Variants in KCNH8 observed in about 807,000 individuals in gnomAD.
KCNH8 encodes the protein potassium voltage-gated channel subfamily H member 8.
KCNH8 carries 70 observed loss-of-function variants against 103.6 expected under a neutral mutation model. The observed-to-expected ratio is 0.68, with a 90% CI of 0.56 to 0.82. The LOEUF (loss-of-function observed/expected upper bound fraction) is 0.82. Ranked by LOEUF, KCNH8 falls within the 40% of genes least tolerant of loss-of-function variation. KCNH8 has a pLI of 0.00. For synonymous variants in KCNH8, 498 were observed against 489.4 expected, an observed-to-expected ratio of 1.02 and a Z score of -0.23; for missense variants, 1,217 against 1,329.9, an observed-to-expected ratio of 0.92 and a Z score of 1.32.
intron 5 of KCNH8, among the ~76,000 whole-genome samples, chr3:19,378,065 G>T (rs1168860888): frequency 2.0e-5 from 3 of 152,102 alleles, no homozygotes; most frequent in African/African-American, 4.8e-5. Flanking sequence ...TGTTGGGGGC[G>T]GTTCTCTTAG....
chr3:19,394,414 G>A (rs1292257504), intron 6 of KCNH8, among the ~76,000 whole-genome samples: 4 of 152,004 alleles, frequency 2.6e-5, no homozygotes, highest in African/African-American at 9.7e-5. Flanking sequence ...AAGGCACTAG[G>A]AGACTCTTCA....
intron 1 of KCNH8, among the ~76,000 whole-genome samples, chr3:19,247,032 C>T (rs773958506): frequency 1.3e-5 from 2 of 152,146 alleles, no homozygotes; most frequent in Non-Finnish European, 2.9e-5. Flanking sequence ...TGCACTGTTA[C>T]AAAGCTTTCT....
At chr3:19,489,093 C>A (rs537126123) in intron 11 of KCNH8, among the ~76,000 whole-genome samples, 1 of 152,280 alleles carries the variant, frequency 6.6e-6, no homozygotes, top group Admixed American at 6.5e-5. Context: ...CAGTCTTAGG[C>A]CGTAAGCAAG....
chr3:19,224,559 C>CT (rs34526650), intron 1 of KCNH8, among the ~76,000 whole-genome samples: 27,062 of 129,420 alleles, frequency 0.21, 3,176 homozygotes, highest in African/African-American at 0.29. Flanking sequence ...TTGTTTTGAA[C>CT]TTTTTTTTTT....
rs1420425424 is a variant in KCNH8 at position 19,515,349 on chromosome 3, C to T, written c.2463C>T (p.Asn821=). The T allele has an allele frequency of 6.3e-7, 1 of 1,591,980 alleles. No homozygotes were observed. The highest frequency in any genetic ancestry group is 1.4e-5 in the African/African-American group (1 of 73,784). The stretch of plus-strand genomic sequence containing the variant: ...TTGTTGATGGAATTGAAGATGGAAA[C>T]AGCAGTGAAGAAAGTCAGACTTTTG... ...PRIVDGIEDG[N]SSEESQTFDF... The change falls in exon 14 of 16, where the codon AAC becomes AAT. Residue 821 remains asparagine (N), a synonymous_variant. Coordinates refer to ENST00000328405, the MANE Select transcript of KCNH8 (RefSeq NM_144633.3).
intron 8 of KCNH8, among the ~76,000 whole-genome samples, chr3:19,443,922 C>A (rs1035850778): frequency 6.6e-6 from 1 of 152,012 alleles, no homozygotes; most frequent in Non-Finnish European, 1.5e-5. Context: ...TGGTTGCTAA[C>A]AATGGACTCA....
intron 1 of KCNH8, among the ~76,000 whole-genome samples, chr3:19,246,363 G>A (rs1243442538): frequency 6.5e-5 from 9 of 137,488 alleles, no homozygotes; most frequent in Non-Finnish European, 1.2e-4. Flanking sequence ...TGCACCCTCT[G>A]CCTCCCAGGT....
chr3:19,428,414 A>T (rs570597663), intron 7 of KCNH8, among the ~76,000 whole-genome samples: 5 of 152,194 alleles, frequency 3.3e-5, no homozygotes, highest in Non-Finnish European at 7.4e-5. Context: ...GAATGATGCA[A>T]TTGTGTACAT....
intron 2 of KCNH8, among the ~76,000 whole-genome samples, chr3:19,270,895 T>C (rs2064578630): frequency 6.6e-6 from 1 of 152,146 alleles, no homozygotes; most frequent in South Asian, 2.1e-4. Flanking sequence ...TCAATATTTC[T>C]GCTTTCTTAC....
chr3:19,307,210 G>T (rs890990019), intron 3 of KCNH8, among the ~76,000 whole-genome samples: 1 of 147,340 alleles, frequency 6.8e-6, no homozygotes, highest in African/African-American at 2.5e-5. Flanking sequence ...CAAAACAAAA[G>T]AAAAAAAAAG....
At chr3:19,174,285 G>C (rs773037393) in intron 1 of KCNH8, among the ~76,000 whole-genome samples, 132 of 152,040 alleles carry the variant, frequency 8.7e-4, no homozygotes, top group Non-Finnish European at 1.5e-3. Flanking sequence ...TATTACTAGG[G>C]ATTTTATTTT....
chr3:19,306,431 G>T (rs967736922), intron 3 of KCNH8, among the ~76,000 whole-genome samples: 1 of 151,998 alleles, frequency 6.6e-6, no homozygotes. Context: ...GAGAGAAGAG[G>T]GTCAATGGTC....
chr3:19,431,905 A>T (rs188646650), intron 7 of KCNH8, among the ~76,000 whole-genome samples: 180 of 151,820 alleles, frequency 1.2e-3, no homozygotes, highest in Non-Finnish European at 1.9e-3. Flanking sequence ...TTCTTTATTA[A>T]TCTAGCTAGT....
chr3:19,505,889 T>A (rs978014083), intron 11 of KCNH8, among the ~76,000 whole-genome samples: 10 of 152,218 alleles, frequency 6.6e-5, no homozygotes, highest in Non-Finnish European at 1.2e-4. Context: ...TATTTTCTGT[T>A]TTACTGAGTT....
In KCNH8 at chr3:19,450,127, T is replaced by C; in HGVS notation, c.1397T>C (p.Phe466Ser). The change falls in exon 9 of 16, where the codon TTT becomes TCT. Residue 466 changes from phenylalanine (F) to serine (S), a missense_variant. Physicochemically the swap from Phe to Ser is radical, Grantham distance 155. Around this residue, in one of 3 missense-constraint regions of KCNH8, gnomAD observed 415 missense variants for 577.4 expected, o/e 0.72. Transcript: ENST00000328405. ...LIGALMHALV[F>S]GNVTAIIQRM... ...CTAGCCTTGATGCACGCCTTGGTGTTTGGAAACGTGACAGCAATCATACAG... is the reference window on the plus strand; with the variant it reads ...CTAGCCTTGATGCACGCCTTGGTGTCTGGAAACGTGACAGCAATCATACAG... 6.2e-7 allele frequency: 1 copy of C among 1,613,612 alleles called. No individual in the cohort carries two copies. Among genetic ancestry groups the C allele is most frequent in the East Asian group, 2.2e-5 (1 of 44,844 alleles).
At chr3:19,499,567 A>AGCC (rs1339761253) in intron 11 of KCNH8, among the ~76,000 whole-genome samples, 1 of 151,852 alleles carries the variant, frequency 6.6e-6, no homozygotes, top group African/African-American at 2.4e-5. Context: ...TCAAAGGGTA[A>AGCC]CAGCAGACTA....
At chr3:19,296,582 T>A (rs1429593168) in intron 3 of KCNH8, among the ~76,000 whole-genome samples, 1 of 152,196 alleles carries the variant, frequency 6.6e-6, no homozygotes, top group Non-Finnish European at 1.5e-5. Context: ...GGCTAAAGTG[T>A]GAGGACTCTC....
At chr3:19,294,763 G>C (rs1385961041) in intron 3 of KCNH8, among the ~76,000 whole-genome samples, 1 of 152,146 alleles carries the variant, frequency 6.6e-6, no homozygotes, top group East Asian at 1.9e-4. Flanking sequence ...ATGATGTAAT[G>C]AGAAAGATGT....
At chr3:19,175,383 G>C (rs889729678) in intron 1 of KCNH8, among the ~76,000 whole-genome samples, 23 of 151,910 alleles carry the variant, frequency 1.5e-4, no homozygotes, top group Non-Finnish European at 3.1e-4. Context: ...CACTACGCCC[G>C]GCTAACTTTT....
Sources: allele counts gnomAD v4.1 joint callset (sites outside exome capture counted in the v4.1 genomes callset), GRCh38; gene constraint gnomAD v4.1.1; regional missense constraint gnomAD v4.1.1; transcripts MANE v1.5; gene names NCBI Gene and HGNC (gene_info 2026-07-23, HGNC 2026-07-21).